Variants in OLFM2 observed in about 807,000 individuals in gnomAD.
OLFM2 encodes the protein olfactomedin 2, also known as noelin-2.
In OLFM2, 20 loss-of-function variants were observed where a neutral mutation model predicts 43.9. The ratio of observed to expected loss-of-function variants is 0.46; its 90% CI spans 0.32 to 0.66. The LOEUF is 0.66. Ranked by LOEUF, OLFM2 falls within the 30% of genes least tolerant of loss-of-function variation. The probability of loss-of-function intolerance (pLI) is 0.04; values close to 1 mark genes in which losing one functional copy is unlikely to be tolerated. For synonymous variants in OLFM2, 268 were observed against 278.6 expected, an observed-to-expected ratio of 0.96 and a Z score of 0.38; for missense variants, 416 against 643.6, an observed-to-expected ratio of 0.65 and a Z score of 3.83.
intron 1 of OLFM2, among the ~76,000 whole-genome samples, chr19:9,897,075 T>A (rs1356710973): frequency 6.6e-6 from 1 of 152,086 alleles, no homozygotes; most frequent in African/African-American, 2.4e-5. Flanking sequence ...ACACCTGTAA[T>A]CCCAGCACTT....
chr19:9,882,431 G>A lies in OLFM2; in HGVS notation c.64-21637C>T, dbSNP rs1250617799. 4.6e-5 allele frequency among the ~76,000 whole-genome samples: 7 copies of A among 152,056 alleles called. No individual in the cohort carries two copies. The East Asian group carries it at 5.8e-4, about 13-fold the overall frequency. ...CGGGCGCCTGTAGTCCCAGCTACTC[G>A]GGAGGCTGAGGCAGGAGAATGGCGT... On this transcript the variant is annotated intron_variant, in intron 1 of 5. Coordinates refer to ENST00000264833, the MANE Select transcript of OLFM2 (RefSeq NM_058164.4).
intron 1 of OLFM2, among the ~76,000 whole-genome samples, chr19:9,903,680 G>A (rs2046759588): frequency 6.6e-6 from 1 of 152,104 alleles, no homozygotes; most frequent in South Asian, 2.1e-4. Flanking sequence ...GCACTTACGA[G>A]GGCTAATGGA....
At chr19:9,932,878 A>G (rs760165516) in intron 1 of OLFM2, among the ~76,000 whole-genome samples, 22 of 152,164 alleles carry the variant, frequency 1.4e-4, no homozygotes, top group Non-Finnish European at 2.5e-4. Flanking sequence ...AACATCTTGG[A>G]TAGATCCTGG....
intron 1 of OLFM2, among the ~76,000 whole-genome samples, chr19:9,930,661 G>A (rs1286816339): frequency 1.3e-5 from 2 of 151,108 alleles, no homozygotes. Flanking sequence ...AGTGGGCAAC[G>A]TGGTGAAACC....
Position 9,854,663 on chromosome 19 carries a change from G to A in OLFM2, c.888C>T (p.Arg296=). ...GGAGGCTCCTCTGCACCAGCACAGA[G>A]CGCGAGCGGAAGTGGTATTTGACCA... ...NVVVKYHFRS[R]SVLVQRSLPG... is the part of the protein sequence containing the mutation. Residue 296 remains arginine, a synonymous_variant, in exon 6 of 6, where the codon CGC becomes CGT. Coordinates refer to ENST00000264833, the MANE Select transcript of OLFM2 (RefSeq NM_058164.4). This position sits in a 1 kb window ranked among gnomAD's most constrained non-coding sequence, Gnocchi z 9.5. 6.2e-7 allele frequency: 1 copy of A among 1,614,246 alleles called. No homozygotes were observed. Among genetic ancestry groups the A allele is most frequent in the Non-Finnish European group, 8.5e-7 (1 of 1,180,052 alleles).
chr19:9,858,702 G>A (rs1243324885), intron 2 of OLFM2, among the ~76,000 whole-genome samples: 1 of 152,188 alleles, frequency 6.6e-6, no homozygotes, highest in Non-Finnish European at 1.5e-5. Flanking sequence ...CCTGGCTACG[G>A]TGAACTCCAC....
chr19:9,932,591 A>G (rs1011128644), intron 1 of OLFM2, among the ~76,000 whole-genome samples: 4 of 152,128 alleles, frequency 2.6e-5, no homozygotes, highest in Non-Finnish European at 5.9e-5. Context: ...TTAAGCAGAA[A>G]TCAGAGATAA....
intron 1 of OLFM2, among the ~76,000 whole-genome samples, chr19:9,889,889 T>C (rs1051602855): frequency 1.3e-5 from 2 of 151,954 alleles, no homozygotes; most frequent in African/African-American, 4.8e-5. Context: ...AGGCCTGTTA[T>C]TTATAGACGA....
chr19:9,913,416 C>T (rs1377533613), intron 1 of OLFM2: 10 of 933,054 alleles, frequency 1.1e-5, no homozygotes, highest in Admixed American at 5.8e-5. Flanking sequence ...GGGGCTGCGG[C>T]GGCGGCAGCG....
At chr19:9,913,371 A>C in intron 1 of OLFM2, 7 of 527,762 alleles carry the variant, frequency 1.3e-5, no homozygotes, top group Middle Eastern at 8.5e-4. Flanking sequence ...GGTCGTGGGA[A>C]GCACAGGGGT....
At position 9,910,569 on chromosome 19, in the gene OLFM2, T is replaced by G. The variant is rs929409670; in HGVS notation, c.63+25735A>C. 5.9e-5 allele frequency among the ~76,000 whole-genome samples: 9 copies of G among 152,140 alleles called. No homozygotes were observed. In the East Asian group the frequency reaches 1.7e-3, roughly 29 times the overall value. Reference sequence around the variant, plus strand: ...GACTCCACCTCTTAAAAAAATAGTTTTGTGGAATAAATACAATGGATGGAA... The same window carrying G: ...GACTCCACCTCTTAAAAAAATAGTTGTGTGGAATAAATACAATGGATGGAA... On this transcript the variant is annotated intron_variant, in intron 1 of 5. Coordinates refer to ENST00000264833, the MANE Select transcript of OLFM2 (RefSeq NM_058164.4).
intron 1 of OLFM2, among the ~76,000 whole-genome samples, chr19:9,888,753 C>G (rs913084159): frequency 6.6e-6 from 1 of 152,126 alleles, no homozygotes; most frequent in East Asian, 1.9e-4. Flanking sequence ...ACACAACAGG[C>G]ACCTGGTATC....
In OLFM2 at chr19:9,854,462, G is replaced by C; in HGVS notation, c.1089C>G (p.Thr363=). Residue 363 remains threonine, a synonymous_variant, in exon 6 of 6, where the codon ACC becomes ACG. Transcript: ENST00000264833. This position sits in a 1 kb window ranked among gnomAD's most constrained non-coding sequence, Gnocchi z 9.5. ...HTLEVMRSWD[T]GYPKRSAGEA... ...CGCCAGCGCTGCGCTTGGGGTAGCC[G>C]GTGTCCCAGGACCGCATGACCTCGA... The C allele has an allele frequency of 6.2e-7, 1 of 1,614,070 alleles. No individual in the cohort carries two copies. Among genetic ancestry groups the C allele is most frequent in the South Asian group, 1.1e-5 (1 of 91,086 alleles).
At position 9,854,145 on chromosome 19, in the gene OLFM2, C is replaced by A. The variant is rs1273444389; in HGVS notation, c.*41G>T. On this transcript the variant is annotated 3_prime_UTR_variant, in exon 6 of 6. Transcript: ENST00000264833. The surrounding 1 kb of genome is among the most constrained non-coding windows in gnomAD (Gnocchi z 9.5). ...GCAGAATGAAAAGGGCCCCCAGCCC[C>A]CAGAGGCCCCCCAGGCAGCAGCCCG... 3.1e-6 allele frequency: 5 copies of A among 1,600,290 alleles called. No individual in the cohort carries two copies. The highest frequency in any genetic ancestry group is 4.3e-6 in the Non-Finnish European group (5 of 1,168,784).
intron 1 of OLFM2, among the ~76,000 whole-genome samples, chr19:9,908,883 G>A (rs1284236677): frequency 1.3e-5 from 2 of 152,088 alleles, no homozygotes; most frequent in East Asian, 3.9e-4. Flanking sequence ...GGCTAAAAAT[G>A]TATTTTCTTT....
At chr19:9,873,470 TAA>T (rs1250348737) in intron 1 of OLFM2, among the ~76,000 whole-genome samples, 6 of 152,146 alleles carry the variant, frequency 3.9e-5, no homozygotes, top group African/African-American at 1.4e-4. Context: ...TTTGGTTTTT[TAA>T]GAGACAGGGT....
At chr19:9,880,072 C>T (rs34420132) in intron 1 of OLFM2, among the ~76,000 whole-genome samples, 3,943 of 152,200 alleles carry the variant, frequency 0.026, 168 homozygotes, top group African/African-American at 0.09. Context: ...CCACTGGGCC[C>T]GGTCTGGTCT....
chr19:9,898,594 G>T (rs1344252780), intron 1 of OLFM2, among the ~76,000 whole-genome samples: 2 of 151,946 alleles, frequency 1.3e-5, no homozygotes, highest in African/African-American at 4.8e-5. Flanking sequence ...AAATTCCTGG[G>T]CTCATGCGAT....
intron 1 of OLFM2, among the ~76,000 whole-genome samples, chr19:9,875,123 T>A (rs1568372093): frequency 6.6e-6 from 1 of 152,198 alleles, no homozygotes; most frequent in Non-Finnish European, 1.5e-5. Context: ...AATAAAAGCT[T>A]TTCTCCTTTC....
Sources: allele counts gnomAD v4.1 joint callset (sites outside exome capture counted in the v4.1 genomes callset), GRCh38; gene constraint gnomAD v4.1.1; non-coding constraint Gnocchi (gnomAD v3.1); transcripts MANE v1.5; gene names NCBI Gene and HGNC (gene_info 2026-07-23, HGNC 2026-07-21).